MAPT: variants seen among roughly 807,000 people sequenced by gnomAD.
MAPT encodes the protein microtubule associated protein tau, also known as microtubule-associated protein tau.
MAPT carries 34 observed loss-of-function variants against 67.9 expected under a neutral mutation model. That is an observed-to-expected ratio of 0.50 (90% CI 0.38 to 0.67). MAPT has a LOEUF of 0.67. MAPT is among the 30% of genes least tolerant of loss of function. The probability of loss-of-function intolerance (pLI) is 0.00; values close to 1 mark genes in which losing one functional copy is unlikely to be tolerated. For missense variants in MAPT, 881 were observed against 1,115.2 expected (o/e 0.79, Z 2.99); for synonymous variants, 456 against 464.5 (o/e 0.98, Z 0.23).
intron 1 of MAPT, among the ~76,000 whole-genome samples, chr17:45,928,103 C>T (rs991530279): frequency 1.3e-5 from 2 of 151,768 alleles, no homozygotes; most frequent in African/African-American, 2.4e-5. Context: ...GACTCAGCCC[C>T]GATCTTTCTA....
rs1174527264 is a variant in MAPT, at chr17:45,915,272, GT to G, written c.-18+20587del. Among the ~76,000 whole-genome samples, 1 of 151,470 alleles carries G rather than the reference GT, an allele frequency of 6.6e-6. No homozygotes were observed. The highest frequency in any genetic ancestry group is 2.4e-5 in the African/African-American group (1 of 41,180). ...GTGGTGTGTAAGCATGAGTGTGTAT[GT>G]GTGTGGTGTGGGGGTGTGTGCTGTG... On this transcript the variant is annotated intron_variant, in intron 1 of 12. Coordinates refer to ENST00000262410, the MANE Select transcript of MAPT (RefSeq NM_001377265.1). The surrounding 1 kb of genome is among the most constrained non-coding windows in gnomAD (Gnocchi z 4.4).
intron 1 of MAPT, among the ~76,000 whole-genome samples, chr17:45,950,034 G>A (rs1568220880): frequency 6.6e-6 from 1 of 152,128 alleles, no homozygotes; most frequent in East Asian, 1.9e-4. Flanking sequence ...GGAGCAGAGG[G>A]GCAAAGCTGT....
intron 1 of MAPT, among the ~76,000 whole-genome samples, chr17:45,904,079 T>C (rs1228877238): frequency 2.2e-5 from 1 of 46,364 alleles, no homozygotes; most frequent in Non-Finnish European, 3.8e-5. Flanking sequence ...TATATTTATA[T>C]ATTATATATT....
chr17:46,009,685 G>A (rs1350872739), intron 9 of MAPT, among the ~76,000 whole-genome samples: 1 of 152,216 alleles, frequency 6.6e-6, no homozygotes, highest in Non-Finnish European at 1.5e-5. Context: ...TCCTGCCTAC[G>A]GGGTCAGGGC....
intron 1 of MAPT, among the ~76,000 whole-genome samples, chr17:45,910,004 G>T (rs1385522080): frequency 6.6e-6 from 1 of 151,954 alleles, no homozygotes; most frequent in Non-Finnish European, 1.5e-5. Context: ...TCGCGCCACT[G>T]CACTCCAGCC....
chr17:45,944,896 T>C (rs2068328517), intron 1 of MAPT, among the ~76,000 whole-genome samples: 1 of 152,076 alleles, frequency 6.6e-6, no homozygotes. Context: ...CCCTCCCGAC[T>C]CTCACTCCCA....
chr17:46,001,720 A>G (rs1445889796), intron 9 of MAPT, among the ~76,000 whole-genome samples: 1 of 152,182 alleles, frequency 6.6e-6, no homozygotes, highest in Non-Finnish European at 1.5e-5. Context: ...ATTCATTCAG[A>G]CAACATTTAT....
chr17:45,938,938 C>T (rs1039683519), intron 1 of MAPT, among the ~76,000 whole-genome samples: 6 of 151,838 alleles, frequency 4.0e-5, no homozygotes, highest in African/African-American at 1.5e-4. Context: ...CTCAGCCTCC[C>T]AAGGAGCTGG....
intron 1 of MAPT, among the ~76,000 whole-genome samples, chr17:45,914,279 T>C (rs2065020361): frequency 8.5e-6 from 1 of 117,666 alleles, no homozygotes; most frequent in Non-Finnish European, 2.2e-5. Context: ...AGAGGGCGGC[T>C]GATCTGTCAG....
chr17:45,917,993 C>CA (rs1196191766), intron 1 of MAPT, among the ~76,000 whole-genome samples: 1 of 152,130 alleles, frequency 6.6e-6, no homozygotes, highest in African/African-American at 2.4e-5. Flanking sequence ...AGGCTGGTCT[C>CA]AAACTCCTGA....
chr17:46,014,742 T>G (rs62062272), intron 11 of MAPT, among the ~76,000 whole-genome samples: 3 of 151,972 alleles, frequency 2.0e-5, no homozygotes, highest in South Asian at 2.1e-4. Flanking sequence ...GGCGTGGTGG[T>G]GGGCGCCTGT....
Position 45,981,389 on chromosome 17 carries a change from T to C in MAPT, c.287-1477T>C, listed in dbSNP as rs146289570. ...CTTAATATGCGGCCAGGTTAATGAA[T>C]GTCACGTGAATGAACCAGAAAAAAA... On this transcript the variant is annotated intron_variant, in intron 4 of 12. Coordinates refer to ENST00000262410, the MANE Select transcript of MAPT (RefSeq NM_001377265.1). 1.7e-3 allele frequency among the ~76,000 whole-genome samples: 257 copies of C among 152,296 alleles called. 1 individual carries two copies. Among genetic ancestry groups the C allele is most frequent in the African/African-American group, 6.0e-3 (248 of 41,552 alleles).
At position 45,983,529 on chromosome 17, in the gene MAPT, A is replaced by G. The variant is rs761777413; in HGVS notation, c.950A>G (p.Asp317Gly). 1.2e-6 allele frequency: 2 copies of G among 1,612,796 alleles called. No individual in the cohort carries two copies. The highest frequency in any genetic ancestry group is 1.1e-5 in the South Asian group (1 of 91,060). Reference protein sequence around the residue: ...SPPSKASPAQDGRPPQTAARE... With the variant: ...SPPSKASPAQGGRPPQTAARE... The stretch of plus-strand genomic sequence containing the variant: ...CCCTCCAAGGCCTCCCCAGCCCAAG[A>G]TGGGCGGCCTCCCCAGACAGCCGCC... The change falls in exon 5 of 13, where the codon GAT becomes GGT. Residue 317 changes from aspartate to glycine, a missense_variant. Physicochemically the swap from Asp to Gly is moderately conservative, Grantham distance 94. This residue lies in a region of MAPT where 687 missense variants were observed against 766.1 expected (regional missense o/e 0.90). Coordinates refer to ENST00000262410, the MANE Select transcript of MAPT (RefSeq NM_001377265.1).
rs145327712 is a variant in MAPT, at chr17:45,998,108, G to T, written c.1998+1444G>T. ...GGGCTTTCTGGAACCCTGGGCCTGC[G>T]TGTCAGCTTGCCTCCCCCACGCAGG... On this transcript the variant is annotated intron_variant, in intron 9 of 12. Transcript: ENST00000262410. 1.9e-3 allele frequency among the ~76,000 whole-genome samples: 295 copies of T among 152,258 alleles called. 2 individuals carry two copies. The highest frequency in any genetic ancestry group is 6.5e-3 in the African/African-American group (272 of 41,544).
chr17:45,935,549 T>C (rs77924424), intron 1 of MAPT, among the ~76,000 whole-genome samples: 21,797 of 152,172 alleles, frequency 0.14, 2,132 homozygotes, highest in Middle Eastern at 0.22. Flanking sequence ...AGGATGCATG[T>C]GCTTCATCTG....
chr17:45,980,684 T>C (rs762429218), intron 4 of MAPT, among the ~76,000 whole-genome samples: 6 of 152,256 alleles, frequency 3.9e-5, no homozygotes, highest in African/African-American at 9.6e-5. Context: ...TAATAGTGTT[T>C]CTTAAAGTCT....
chr17:46,027,672 A>T lies in MAPT; in HGVS notation c.*3501A>T, dbSNP rs940151854. 1 of 152,178 alleles carries T rather than the reference A, an allele frequency of 6.6e-6. No individual in the cohort carries two copies. The highest frequency in any genetic ancestry group is 2.4e-5 in the African/African-American group (1 of 41,402). The allele number at this position is 152,178 out of a possible 1,614,324, so 9.4% of individuals were successfully genotyped here. A position where few individuals can be genotyped will look rare whatever the true frequency, so the allele number is the denominator to read the frequency against. ...TGCTAGAGGGAGGGAGCAGCCACGG[A>T]GTTAGAGGCCCTTGGGGTTTCTCTT... On this transcript the variant is annotated 3_prime_UTR_variant, in exon 13 of 13. Coordinates refer to ENST00000262410, the MANE Select transcript of MAPT (RefSeq NM_001377265.1).
chr17:45,975,492 A>G (rs1334449566), intron 3 of MAPT: 2 of 152,250 alleles, frequency 1.3e-5, no homozygotes, highest in Non-Finnish European at 2.9e-5. Context: ...AAGCTGGGGC[A>G]GAGCCTCATC....
At chr17:45,935,112 C>G (rs2067204657) in intron 1 of MAPT, among the ~76,000 whole-genome samples, 1 of 152,112 alleles carries the variant, frequency 6.6e-6, no homozygotes, top group East Asian at 1.9e-4. Flanking sequence ...ATTTGAAAAT[C>G]GACCATGGTA....
Sources: allele counts gnomAD v4.1 joint callset (sites outside exome capture counted in the v4.1 genomes callset), GRCh38; gene constraint gnomAD v4.1.1; regional missense constraint gnomAD v4.1.1; non-coding constraint Gnocchi (gnomAD v3.1); transcripts MANE v1.5; gene names NCBI Gene and HGNC (gene_info 2026-07-23, HGNC 2026-07-21).